The following THSD4 variants were observed in gnomAD, a reference collection of about 807,000 sequenced individuals.
THSD4 encodes thrombospondin type 1 domain containing 4.
In THSD4, 69 loss-of-function variants were observed where a neutral mutation model predicts 119.0. The observed-to-expected ratio is 0.58, with a 90% CI of 0.48 to 0.71. The LOEUF is 0.71. Among genes scored for constraint, THSD4 ranks in the 30% least tolerant of loss-of-function variants. THSD4 has a pLI of 0.00. For synonymous variants in THSD4, 524 were observed against 540.4 expected, an observed-to-expected ratio of 0.97 and a Z score of 0.42; for missense variants, 1,393 against 1,391.1, an observed-to-expected ratio of 1.00 and a Z score of -0.02.
chr15:71,300,646 A>G (rs1229639766), intron 6 of THSD4, among the ~76,000 whole-genome samples: 2 of 152,234 alleles, frequency 1.3e-5, no homozygotes, highest in African/African-American at 4.8e-5. Context: ...ATGCTGTAGT[A>G]TAAGAGTAAA....
At chr15:71,631,111 C>T (rs2050619930) in intron 7 of THSD4, among the ~76,000 whole-genome samples, 2 of 152,144 alleles carry the variant, frequency 1.3e-5, no homozygotes, top group African/African-American at 4.8e-5. Context: ...AAAGGATCCC[C>T]CTAGGTAAGA....
At chr15:71,712,247 G>A (rs1595883135) in intron 8 of THSD4, among the ~76,000 whole-genome samples, 1 of 152,268 alleles carries the variant, frequency 6.6e-6, no homozygotes, top group East Asian at 1.9e-4. Flanking sequence ...ACATAGGAAT[G>A]AAACAACACA....
In THSD4 at chr15:71,590,552, GA is replaced by G. The variant is rs1193704008; in HGVS notation, c.1153-69976del. 2.0e-5 allele frequency among the ~76,000 whole-genome samples: 2 copies of G among 102,112 alleles called. 1 individual carries two copies. Among genetic ancestry groups the G allele is most frequent in the Non-Finnish European group, 4.6e-5 (2 of 43,280 alleles). 67.0% of individuals were successfully genotyped at this position (102,112 alleles called of 152,430 possible). A position where few individuals can be genotyped will look rare whatever the true frequency, so the allele number is the denominator to read the frequency against. Reference sequence around the variant, plus strand: ...GGTGGGGAACAACTGGGGCCTGTCAGAACGGGTGGGTGGGGGGAGGGAGAGC... The same window carrying G: ...GGTGGGGAACAACTGGGGCCTGTCAGACGGGTGGGTGGGGGGAGGGAGAGC... On this transcript the variant is annotated intron_variant, in intron 7 of 17. Coordinates refer to ENST00000261862, the MANE Select transcript of THSD4 (RefSeq NM_024817.3).
chr15:71,256,795 G>A, intron 6 of THSD4, 80 bp downstream of exon 6: 1 of 1,349,040 alleles, frequency 7.4e-7, no homozygotes. Flanking sequence ...TGATGTTGGA[G>A]GTATTGGTGT....
At chr15:71,384,576 C>G (rs892544899) in intron 6 of THSD4, among the ~76,000 whole-genome samples, 1 of 152,144 alleles carries the variant, frequency 6.6e-6, no homozygotes, top group Non-Finnish European at 1.5e-5. Flanking sequence ...CAATTAGTTG[C>G]TTCAGTTTTT....
chr15:71,492,348 T>G (rs1162704384), intron 7 of THSD4, among the ~76,000 whole-genome samples: 3 of 152,124 alleles, frequency 2.0e-5, no homozygotes, highest in African/African-American at 7.2e-5. Flanking sequence ...CACTGCAACT[T>G]TTGCCTTCTG....
At chr15:71,753,036 C>T (rs1595918814) in intron 14 of THSD4, among the ~76,000 whole-genome samples, 1 of 152,116 alleles carries the variant, frequency 6.6e-6, no homozygotes, top group East Asian at 1.9e-4. Context: ...GAGGGAGAGA[C>T]CAAAGAAAAT....
intron 7 of THSD4, among the ~76,000 whole-genome samples, chr15:71,601,303 A>G (rs1179589849): frequency 6.6e-6 from 1 of 152,122 alleles, no homozygotes; most frequent in Non-Finnish European, 1.5e-5. Flanking sequence ...AGTGGGGAGA[A>G]TTGATGCATT....
intron 6 of THSD4, among the ~76,000 whole-genome samples, chr15:71,381,443 C>T (rs2046227432): frequency 6.6e-6 from 1 of 152,136 alleles, no homozygotes; most frequent in Non-Finnish European, 1.5e-5. Context: ...TTTGCTCTGG[C>T]TTGATGTTGG....
chr15:71,239,824 A>T (rs147010970), intron 4 of THSD4, among the ~76,000 whole-genome samples: 303 of 152,334 alleles, frequency 2.0e-3, no homozygotes, highest in African/African-American at 6.9e-3. Flanking sequence ...GTTGGAGAAG[A>T]GGCCATTCAG....
chr15:71,266,210 G>A (rs547863624), intron 6 of THSD4, among the ~76,000 whole-genome samples: 9 of 152,260 alleles, frequency 5.9e-5, no homozygotes, highest in Admixed American at 2.6e-4. Flanking sequence ...ACAGGAGAGC[G>A]CCGGCTGGCA....
chr15:71,653,454 G>C (rs1457283095), intron 7 of THSD4, among the ~76,000 whole-genome samples: 1 of 152,212 alleles, frequency 6.6e-6, no homozygotes, highest in Non-Finnish European at 1.5e-5. Context: ...ATTTGGCAAT[G>C]TCTGGAGACA....
chr15:71,597,453 G>A (rs566782077), intron 7 of THSD4, among the ~76,000 whole-genome samples: 68 of 152,258 alleles, frequency 4.5e-4, no homozygotes, highest in Admixed American at 1.5e-3. Flanking sequence ...AGCTCTTCTA[G>A]ACTTCTTTAC....
At chr15:71,636,491 AG>A (rs1271223478) in intron 7 of THSD4, among the ~76,000 whole-genome samples, 2 of 152,170 alleles carry the variant, frequency 1.3e-5, no homozygotes, top group East Asian at 3.9e-4. Context: ...CAATGAAATA[AG>A]GGTAAACAAA....
chr15:71,610,852 G>A (rs2050210221), intron 7 of THSD4, among the ~76,000 whole-genome samples: 1 of 152,172 alleles, frequency 6.6e-6, no homozygotes, highest in Non-Finnish European at 1.5e-5. Context: ...TTATGTCATG[G>A]GATGGGGAGT....
At position 71,737,855 on chromosome 15, in the gene THSD4, C is replaced by T. The variant is rs77964295; in HGVS notation, c.1754C>T (p.Ser585Leu). Residue 585 changes from serine to leucine, a missense_variant, in exon 11 of 18, where the codon TCG (serine) becomes TTG (leucine). Coordinates refer to ENST00000261862, the MANE Select transcript of THSD4 (RefSeq NM_024817.3). ...GCCCCTGAGATGTTCACCTCAGAAT[C>T]GGCACAGACCTTCCCAGTCAGGCAT... ...GEAPEMFTSE[S>L]AQTFPVRHPD... 4.1e-3 allele frequency: 6,697 copies of T among 1,614,244 alleles called. 251 individuals carry two copies. In the Admixed American group the frequency reaches 0.071, roughly 17 times the overall value.
intron 15 of THSD4, among the ~76,000 whole-genome samples, chr15:71,763,556 T>TC (rs2053662072): frequency 6.9e-6 from 1 of 145,238 alleles, no homozygotes; most frequent in Non-Finnish European, 1.5e-5. Context: ...AAAAACAAAT[T>TC]TTTTTTTTTT....
At chr15:71,363,795 A>C (rs532602422) in intron 6 of THSD4, among the ~76,000 whole-genome samples, 3 of 152,282 alleles carry the variant, frequency 2.0e-5, no homozygotes, top group South Asian at 4.1e-4. Flanking sequence ...TGCTGACAAA[A>C]TTCATTTGCA....
At chr15:71,288,247 T>C (rs1464768791) in intron 6 of THSD4, among the ~76,000 whole-genome samples, 2 of 152,224 alleles carry the variant, frequency 1.3e-5, no homozygotes, top group Non-Finnish European at 2.9e-5. Flanking sequence ...GAAACTTTCT[T>C]ATCCTGTCAT....
Sources: allele counts gnomAD v4.1 joint callset (sites outside exome capture counted in the v4.1 genomes callset), GRCh38; gene constraint gnomAD v4.1.1; transcripts MANE v1.5; gene names NCBI Gene and HGNC (gene_info 2026-07-23, HGNC 2026-07-21).